The following RBM27 variants were observed in gnomAD, a reference collection of about 807,000 sequenced individuals.
RBM27 encodes RNA-binding protein 27.
RBM27 carries 22 observed loss-of-function variants against 135.3 expected under a neutral mutation model. The ratio of observed to expected loss-of-function variants is 0.16; its 90% CI spans 0.12 to 0.23. The LOEUF (loss-of-function observed/expected upper bound fraction) is 0.23, where lower values mean the gene tolerates loss of function less well. Ranked by LOEUF, RBM27 falls within the 10% of genes least tolerant of loss-of-function variation. The pLI, the probability that RBM27 is intolerant of heterozygous loss-of-function variation, is 1.00. For synonymous variants in RBM27, 481 were observed against 442.4 expected (o/e 1.09, Z -1.10); for missense variants, 1,009 against 1,281.0 (o/e 0.79, Z 3.24).
In RBM27 at chr5:146,230,898, G is replaced by T; in HGVS notation, c.831G>T (p.Arg277Ser). Residue 277 changes from arginine to serine, a missense_variant, in exon 6 of 21, where the codon AGG (arginine) becomes AGT (serine). This residue lies in a region of RBM27 where 16 missense variants were observed against 46.1 expected (regional missense o/e 0.35). Coordinates refer to ENST00000265271, the MANE Select transcript of RBM27 (RefSeq NM_018989.2). The part of the protein sequence containing the change: ...NSFGRNLPPK[R>S]RCRDYDERGF... ...TTGGTCGAAACCTACCACCAAAGAG[G>T]CGATGCAGAGATTATGATGGTAAAA... 6.2e-7 allele frequency: 1 copy of T among 1,614,138 alleles called. No homozygotes were observed. Among genetic ancestry groups the T allele is most frequent in the South Asian group, 1.1e-5 (1 of 91,082 alleles).
At chr5:146,204,686 A>G (rs1431102059) in intron 1 of RBM27, among the ~76,000 whole-genome samples, 1 of 152,180 alleles carries the variant, frequency 6.6e-6, no homozygotes, top group Non-Finnish European at 1.5e-5. Context: ...AGCGGTAGAA[A>G]GAATAAGAGA....
intron 10 of RBM27, among the ~76,000 whole-genome samples, chr5:146,256,113 C>T (rs1193415895): frequency 6.6e-6 from 1 of 151,366 alleles, no homozygotes; most frequent in African/African-American, 2.4e-5. Context: ...ACCTTGGCCT[C>T]TCAAAGTGCT....
At chr5:146,207,779 C>G (rs1482960614) in intron 1 of RBM27, among the ~76,000 whole-genome samples, 1 of 145,416 alleles carries the variant, frequency 6.9e-6, no homozygotes, top group Non-Finnish European at 1.5e-5. Context: ...CTCAGCCTCC[C>G]AAGTAGCTGG....
In RBM27 at chr5:146,271,514, G is replaced by C. The variant is rs1346042277; in HGVS notation, c.2828G>C (p.Arg943Pro). ...AARLGILPVGRGKTMSSQGRG... is the reference protein window; with the variant it reads ...AARLGILPVGPGKTMSSQGRG... Reference sequence around the variant, plus strand: ...CGGTTAGGTATTTTACCTGTGGGTCGAGGAAAGACCATGTCCTCTCAAGGT... The same window carrying C: ...CGGTTAGGTATTTTACCTGTGGGTCCAGGAAAGACCATGTCCTCTCAAGGT... Residue 943 changes from arginine to proline, a missense_variant, in exon 19 of 21, where the codon CGA becomes CCA. Physicochemically the swap from Arg to Pro is moderately radical, Grantham distance 103. Coordinates refer to ENST00000265271, the MANE Select transcript of RBM27 (RefSeq NM_018989.2). The C allele has an allele frequency of 4.3e-6, 7 of 1,613,434 alleles. No homozygotes were observed. The highest frequency in any genetic ancestry group is 1.7e-4 in the Middle Eastern group (1 of 5,954).
At chr5:146,254,900 C>T (rs1191231459) in intron 9 of RBM27, 43 bp from the exon 10 acceptor site, 1 of 1,459,074 alleles carries the variant, frequency 6.9e-7, no homozygotes, top group African/African-American at 1.4e-5. Context: ...GGTTTAACCT[C>T]TCTCTGATTT....
In RBM27 at chr5:146,246,073, CTGTT is replaced by C. The variant is rs145466280; in HGVS notation, c.1280-5635_1280-5632del. On this transcript the variant is annotated intron_variant, in intron 8 of 20. Coordinates refer to ENST00000265271, the MANE Select transcript of RBM27 (RefSeq NM_018989.2). ...AAGCTTTCATTTTTTCTTTAAGTGA[CTGTT>C]TGATTTCTATTATACATCAGGCACT... is the stretch of plus-strand genomic sequence containing the variant. Among the ~76,000 whole-genome samples, 1,246 of 152,190 alleles carry C rather than the reference CTGTT, an allele frequency of 8.2e-3. 14 individuals are homozygous for C. Among genetic ancestry groups the C allele is most frequent in the African/African-American group, 0.028 (1,156 of 41,508 alleles).
At chr5:146,236,820 C>T (rs1280727617) in intron 7 of RBM27, among the ~76,000 whole-genome samples, 1 of 151,550 alleles carries the variant, frequency 6.6e-6, no homozygotes, top group African/African-American at 2.4e-5. Flanking sequence ...GATGGGGTTT[C>T]ACCACGTTGG....
In RBM27 at chr5:146,227,202, A is replaced by G. The variant is rs73319947; in HGVS notation, c.304-1744A>G. Among the ~76,000 whole-genome samples the G allele has an allele frequency of 9.3e-4, 142 of 152,358 alleles. 1 individual carries two copies. Among genetic ancestry groups the G allele is most frequent in the African/African-American group, 3.3e-3 (138 of 41,580 alleles). ...AAAAACAACTTGGTAGACATGTGCC[A>G]TGATTTATGAAGCACACTGCCTTCA... On this transcript the variant is annotated intron_variant, in intron 3 of 20. Coordinates refer to ENST00000265271, the MANE Select transcript of RBM27 (RefSeq NM_018989.2).
intron 8 of RBM27, among the ~76,000 whole-genome samples, chr5:146,249,514 C>T (rs568134684): frequency 1.2e-3 from 177 of 151,382 alleles, no homozygotes; most frequent in Admixed American, 2.0e-3. Flanking sequence ...GGTGAAACCC[C>T]GTCCCTACTA....
At chr5:146,250,431 C>CAAAAAAAAA (rs775574346) in intron 8 of RBM27, among the ~76,000 whole-genome samples, 7 of 91,940 alleles carry the variant, frequency 7.6e-5, no homozygotes, top group African/African-American at 2.8e-4. Context: ...GACTCCGTCT[C>CAAAAAAAAA]AAAAAAAAAA....
chr5:146,265,900 C>T (rs954336439), intron 14 of RBM27, among the ~76,000 whole-genome samples: 6 of 152,090 alleles, frequency 3.9e-5, no homozygotes, highest in East Asian at 3.9e-4. Context: ...AGAAACTATC[C>T]GTATTAACTC....
chr5:146,221,226 A>G (rs1756451287), intron 2 of RBM27, among the ~76,000 whole-genome samples: 1 of 152,176 alleles, frequency 6.6e-6, no homozygotes, highest in African/African-American at 2.4e-5. Flanking sequence ...AAGGAACTAT[A>G]CACTACATTT....
intron 3 of RBM27, among the ~76,000 whole-genome samples, chr5:146,227,829 C>A (rs1427276459): frequency 6.6e-6 from 1 of 152,162 alleles, no homozygotes; most frequent in Admixed American, 6.5e-5. Flanking sequence ...AAGAGAAAGC[C>A]TTAACATTTC....
At chr5:146,241,320 A>G (rs996710264) in intron 8 of RBM27, among the ~76,000 whole-genome samples, 2 of 152,202 alleles carry the variant, frequency 1.3e-5, no homozygotes, top group African/African-American at 4.8e-5. Flanking sequence ...TTTGGCAAAT[A>G]TTTATTGAAT....
At chr5:146,266,583 T>A (rs895763502) in intron 14 of RBM27, among the ~76,000 whole-genome samples, 6 of 152,218 alleles carry the variant, frequency 3.9e-5, no homozygotes, top group African/African-American at 1.2e-4. Context: ...TGATTGAATT[T>A]TCCATGGATT....
chr5:146,225,962 A>T (rs1249306224), intron 3 of RBM27, among the ~76,000 whole-genome samples: 1 of 151,440 alleles, frequency 6.6e-6, no homozygotes. Flanking sequence ...TTTCAGGTTC[A>T]GGCGATTATT....
chr5:146,263,265 A>G (rs1410454250), intron 13 of RBM27, among the ~76,000 whole-genome samples: 1 of 152,210 alleles, frequency 6.6e-6, no homozygotes, highest in Non-Finnish European at 1.5e-5. Flanking sequence ...GTGTAGGTGC[A>G]TGTATATTTT....
Position 146,215,432 on chromosome 5 carries a change from C to T in RBM27, c.60-3553C>T, listed in dbSNP as rs116426540. Reference sequence around the variant, plus strand: ...TCCTAACATATAGAAACTTTATTATCCATACCCAGCACTAAATCTATCAGA... The same window carrying T: ...TCCTAACATATAGAAACTTTATTATTCATACCCAGCACTAAATCTATCAGA... On this transcript the variant is annotated intron_variant, in intron 1 of 20. Coordinates refer to ENST00000265271, the MANE Select transcript of RBM27 (RefSeq NM_018989.2). Among the ~76,000 whole-genome samples, 184 of 152,276 alleles carry T rather than the reference C, an allele frequency of 1.2e-3. 2 individuals are homozygous for T. The highest frequency in any genetic ancestry group is 4.3e-3 in the African/African-American group (180 of 41,558).
At chr5:146,229,117 A>G in intron 4 of RBM27, 80 bp downstream of exon 4, 2 of 990,286 alleles carry the variant, frequency 2.0e-6, no homozygotes, top group Non-Finnish European at 3.1e-6. Context: ...GGGATTTTTA[A>G]TATATATACT....
Sources: allele counts gnomAD v4.1 joint callset (sites outside exome capture counted in the v4.1 genomes callset), GRCh38; gene constraint gnomAD v4.1.1; regional missense constraint gnomAD v4.1.1; transcripts MANE v1.5; gene names NCBI Gene and HGNC (gene_info 2026-07-23, HGNC 2026-07-21).